Variants in GREB1 observed in about 807,000 individuals in gnomAD.
The protein encoded by GREB1 is protein GREB1.
A neutral mutation model predicts 200.7 loss-of-function variants in GREB1; 106 were observed. The ratio of observed to expected loss-of-function variants is 0.53; its 90% CI spans 0.45 to 0.62. The LOEUF is 0.62. Among genes scored for constraint, GREB1 ranks in the 20% least tolerant of loss-of-function variants. The probability of loss-of-function intolerance (pLI) is 0.00; values close to 1 mark genes in which losing one functional copy is unlikely to be tolerated. For synonymous variants in GREB1, 1,132 were observed against 1,092.4 expected, an observed-to-expected ratio of 1.04 and a Z score of -0.72; for missense variants, 2,243 against 2,556.8, an observed-to-expected ratio of 0.88 and a Z score of 2.65.
chr2:11,584,496 A>G (rs1679861639), intron 7 of GREB1, among the ~76,000 whole-genome samples: 1 of 151,902 alleles, frequency 6.6e-6, no homozygotes, highest in Non-Finnish European at 1.5e-5. Flanking sequence ...CTGCACAAAC[A>G]TATTTCTCTC....
At chr2:11,587,442 G>T in intron 9 of GREB1, 2 of 1,613,828 alleles carry the variant, frequency 1.2e-6, no homozygotes, top group African/African-American at 2.7e-5. Context: ...GCATCGCCCC[G>T]GAGCTTATGA....
chr2:11,496,251 G>C (rs538036285), intron 1 of GREB1, among the ~76,000 whole-genome samples: 1 of 152,306 alleles, frequency 6.6e-6, no homozygotes, highest in East Asian at 1.9e-4. Flanking sequence ...ATGCCTTTCA[G>C]ATTTGGGCTG....
intron 1 of GREB1, among the ~76,000 whole-genome samples, chr2:11,484,672 C>T (rs1672608955): frequency 6.6e-6 from 1 of 151,668 alleles, no homozygotes; most frequent in South Asian, 2.1e-4. Flanking sequence ...GTAGTCCTAG[C>T]ACTTGGAGCC....
chr2:11,620,485 G>T (rs1170751775), intron 22 of GREB1, among the ~76,000 whole-genome samples: 2 of 152,058 alleles, frequency 1.3e-5, no homozygotes, highest in East Asian at 3.8e-4. Flanking sequence ...GGAGAAATAC[G>T]AGAAGCATTT....
At position 11,562,420 on chromosome 2, in the gene GREB1, A is replaced by G. The variant is rs909093917; in HGVS notation, c.158-43A>G. ...AGGCCCTGGGGGAAGCTCTGAGGCC[A>G]GACAGCAGCTGCCTTGCTCATCACT... On this transcript the variant is annotated intron_variant, in intron 2 of 32. Transcript: ENST00000381486. 3 of 1,607,566 alleles carry G rather than the reference A, an allele frequency of 1.9e-6. No individual in the cohort carries two copies. The African/African-American group carries it at 4.0e-5, about 22-fold the overall frequency.
At chr2:11,625,450 C>T in intron 24 of GREB1, 138 bp downstream of exon 24, 1 of 764,562 alleles carries the variant, frequency 1.3e-6, no homozygotes, top group Non-Finnish European at 2.2e-6. Context: ...CTGAGGTCAC[C>T]ACCTCCCTGT....
In GREB1 at chr2:11,633,994, C is replaced by G; in HGVS notation, c.4992-137C>G. ...GAAGCGCCCAGCAGGGTGCCTGGCC[C>G]TGGGGGGACTGTGCGGGGCACCGGC... On this transcript the variant is annotated intron_variant, in intron 28 of 32. Coordinates refer to ENST00000381486, the MANE Select transcript of GREB1 (RefSeq NM_014668.4). This position sits in a 1 kb window ranked among gnomAD's most constrained non-coding sequence, Gnocchi z 4.1. 1.3e-6 allele frequency: 1 copy of G among 784,646 alleles called. No individual in the cohort carries two copies. The highest frequency in any genetic ancestry group is 2.2e-6 in the Non-Finnish European group (1 of 457,772). 48.6% of individuals were successfully genotyped at this position (784,646 alleles called of 1,614,324 possible). A position where few individuals can be genotyped will look rare whatever the true frequency, so the allele number is the denominator to read the frequency against.
At chr2:11,598,135 C>T (rs1437455176) in intron 14 of GREB1, among the ~76,000 whole-genome samples, 157 bp downstream of exon 14, 1 of 152,220 alleles carries the variant, frequency 6.6e-6, no homozygotes, top group Non-Finnish European at 1.5e-5. Context: ...GAGACAGTGA[C>T]TTGCCCAAGA....
At chr2:11,506,775 T>C (rs1040375958) in intron 1 of GREB1, among the ~76,000 whole-genome samples, 1 of 152,186 alleles carries the variant, frequency 6.6e-6, no homozygotes, top group African/African-American at 2.4e-5. Context: ...CGTGGAACCC[T>C]GAGCTCTGGA....
intron 1 of GREB1, among the ~76,000 whole-genome samples, chr2:11,483,053 G>C (rs953786073): frequency 1.2e-4 from 18 of 151,810 alleles, no homozygotes; most frequent in Non-Finnish European, 2.1e-4. Flanking sequence ...CGCCCGGCGG[G>C]GAAGGTGCGC....
intron 1 of GREB1, among the ~76,000 whole-genome samples, chr2:11,541,734 G>T (rs1248684556): frequency 6.6e-6 from 1 of 152,134 alleles, no homozygotes; most frequent in Non-Finnish European, 1.5e-5. Flanking sequence ...GTGGCTTGAC[G>T]TGGTTAATTT....
chr2:11,607,346 AGTTTCTATTGCT>A (rs1244402948), intron 17 of GREB1, among the ~76,000 whole-genome samples: 11 of 151,368 alleles, frequency 7.3e-5, no homozygotes. Context: ...GGAACATTTT[AGTTTCTATTGCT>A]GTGTTTTCAA....
intron 1 of GREB1, 86 bp from the exon 2 acceptor site, chr2:11,556,367 TG>T: frequency 3.2e-6 from 1 of 312,414 alleles, no homozygotes; most frequent in Non-Finnish European, 5.8e-6. Flanking sequence ...CAGCTCCTAG[TG>T]AAACAGTCTA....
chr2:11,552,794 G>A (rs914825336), intron 1 of GREB1, among the ~76,000 whole-genome samples: 3 of 152,040 alleles, frequency 2.0e-5, no homozygotes, highest in Admixed American at 1.3e-4. Context: ...GGCGGATCAC[G>A]AGGTCAGGAG....
rs750052788 is a variant in GREB1, at chr2:11,627,096, C to T, written c.4441C>T (p.Arg1481Cys). Reference sequence around the variant, plus strand: ...CCACCAGTACATGGGCTTCCACCCCCGCTACCAGGTAGGCCCCAGCAGTTC... The same window carrying T: ...CCACCAGTACATGGGCTTCCACCCCTGCTACCAGGTAGGCCCCAGCAGTTC... ...QCHQYMGFHP[R>C]YQLYESTLHA... Residue 1481 changes from arginine (R) to cysteine (C), a missense_variant, in exon 25 of 33, where the codon CGC becomes TGC. By Grantham distance (180) the Arg-to-Cys change is radical. Coordinates refer to ENST00000381486, the MANE Select transcript of GREB1 (RefSeq NM_014668.4). The T allele has an allele frequency of 2.8e-5, 44 of 1,595,174 alleles. No homozygotes were observed. Among genetic ancestry groups the T allele is most frequent in the Middle Eastern group, 1.7e-4 (1 of 5,970 alleles).
chr2:11,637,181 G>C (rs1255188970), intron 30 of GREB1, among the ~76,000 whole-genome samples: 1 of 152,132 alleles, frequency 6.6e-6, no homozygotes, highest in Non-Finnish European at 1.5e-5. Flanking sequence ...GGGTGGCGGA[G>C]AGGAGCTGAG....
chr2:11,576,248 A>G, intron 4 of GREB1, 105 bp from the exon 5 acceptor site: 1 of 861,128 alleles, frequency 1.2e-6, no homozygotes, highest in Non-Finnish European at 1.8e-6. Flanking sequence ...TAGAGGTTGC[A>G]GCGAGCCGAG....
At chr2:11,593,558 C>T (rs1406634632) in intron 11 of GREB1, among the ~76,000 whole-genome samples, 1 of 152,166 alleles carries the variant, frequency 6.6e-6, no homozygotes, top group Non-Finnish European at 1.5e-5. Flanking sequence ...CTGATCTTGG[C>T]TCATTATAAC....
chr2:11,512,085 G>A (rs756866487), intron 1 of GREB1, among the ~76,000 whole-genome samples: 5 of 152,190 alleles, frequency 3.3e-5, no homozygotes, highest in Non-Finnish European at 7.3e-5. Flanking sequence ...CAGAAACAGT[G>A]CTGGAAATAC....
Sources: allele counts gnomAD v4.1 joint callset (sites outside exome capture counted in the v4.1 genomes callset), GRCh38; gene constraint gnomAD v4.1.1; non-coding constraint Gnocchi (gnomAD v3.1); transcripts MANE v1.5; gene names NCBI Gene and HGNC (gene_info 2026-07-23, HGNC 2026-07-21).